BICD1: variants seen among roughly 807,000 people sequenced by gnomAD.
BICD1 encodes BICD cargo adaptor 1.
BICD1 carries 35 observed loss-of-function variants against 92.5 expected under a neutral mutation model. The ratio of observed to expected loss-of-function variants is 0.38; its 90% CI spans 0.29 to 0.50. The LOEUF (loss-of-function observed/expected upper bound fraction) is 0.50. BICD1 is among the 20% of genes least tolerant of loss of function. The probability of loss-of-function intolerance (pLI) is 0.93; values close to 1 mark genes in which losing one functional copy is unlikely to be tolerated. For synonymous variants in BICD1, 429 were observed against 465.1 expected (o/e 0.92, Z 1.00); for missense variants, 950 against 1,189.8 (o/e 0.80, Z 2.97).
intron 1 of BICD1, among the ~76,000 whole-genome samples, chr12:32,197,418 C>T (rs552982415): frequency 6.6e-6 from 1 of 152,128 alleles, no homozygotes; most frequent in South Asian, 2.1e-4. Context: ...AATATTTGGG[C>T]CTGTGGAAGA....
intron 1 of BICD1, among the ~76,000 whole-genome samples, chr12:32,116,510 C>CTATATATATATATATATATA (rs370907481): frequency 3.8e-5 from 4 of 104,366 alleles, no homozygotes; most frequent in Admixed American, 1.1e-4. Flanking sequence ...CTCTCTCTCT[C>CTATATATATATATATATATA]TATATATATA....
Position 32,205,615 on chromosome 12 carries a change from T to C in BICD1, c.214-10632T>C, listed in dbSNP as rs1223138311. On this transcript the variant is annotated intron_variant, in intron 1 of 9. Coordinates refer to ENST00000652176, the MANE Select transcript of BICD1 (RefSeq NM_001714.4). ...TTTATAATGGAAAAATTGAGGCTTG[T>C]ACTTTGTGCTTTTTTCTCATATTTT... Among the ~76,000 whole-genome samples, 3 of 151,102 alleles carry C rather than the reference T, an allele frequency of 2.0e-5. No individual in the cohort carries two copies. The East Asian group carries it at 5.8e-4, about 29-fold the overall frequency.
Position 32,327,530 on chromosome 12 carries a change from G to C in BICD1, c.1075G>C (p.Gly359Arg). Residue 359 changes from glycine to arginine, a missense_variant, in exon 5 of 10, where the codon GGG (glycine) becomes CGG (arginine). Around this residue, in one of 5 missense-constraint regions of BICD1, gnomAD observed 246 missense variants for 258.4 expected, o/e 0.95. Transcript: ENST00000652176. The stretch of plus-strand genomic sequence containing the variant: ...ACAGACACAGCTGGAACACACCAAG[G>C]GGGCACTGACGGAGCAGCATGAGCG... ...ESQTQLEHTK[G>R]ALTEQHERVH... 1.9e-6 allele frequency: 3 copies of C among 1,614,144 alleles called. No homozygotes were observed. Among genetic ancestry groups the C allele is most frequent in the Non-Finnish European group, 1.7e-6 (2 of 1,180,016 alleles).
In BICD1 at chr12:32,337,869, C is replaced by T. The variant is rs749006778; in HGVS notation, c.2570+53C>T. 1.9e-6 allele frequency: 3 copies of T among 1,567,010 alleles called. No homozygotes were observed. The highest frequency in any genetic ancestry group is 2.7e-5 in the African/African-American group (2 of 73,906). ...GGTGCAGTGGCCAGATTTTAGTTAA[C>T]TGCAAAAATAAATGTGCTCTTGTTG... On this transcript the variant is annotated intron_variant, in intron 7 of 9. Transcript: ENST00000652176. The surrounding 1 kb of genome is among the most constrained non-coding windows in gnomAD (Gnocchi z 4.7).
intron 2 of BICD1, among the ~76,000 whole-genome samples, chr12:32,222,677 A>G (rs1202356900): frequency 6.6e-6 from 1 of 152,208 alleles, no homozygotes; most frequent in African/African-American, 2.4e-5. Context: ...AAATTCATGC[A>G]CTGAAACTTA....
At chr12:32,257,697 C>G (rs1356257484) in intron 2 of BICD1, among the ~76,000 whole-genome samples, 1 of 152,076 alleles carries the variant, frequency 6.6e-6, no homozygotes, top group African/African-American at 2.4e-5. Flanking sequence ...AAACTCACAG[C>G]AGCACTGTTT....
intron 1 of BICD1, among the ~76,000 whole-genome samples, chr12:32,212,705 G>A (rs1234668663): frequency 6.6e-6 from 1 of 152,166 alleles, no homozygotes; most frequent in Non-Finnish European, 1.5e-5. Context: ...TTACAGGCGT[G>A]AGCCACCGTG....
At chr12:32,345,515 T>C (rs1938533860) in intron 8 of BICD1, among the ~76,000 whole-genome samples, 1 of 152,130 alleles carries the variant, frequency 6.6e-6, no homozygotes, top group African/African-American at 2.4e-5. Context: ...TATATACATA[T>C]ATAAAAACAT....
chr12:32,321,427 T>TA (rs1472383394), intron 4 of BICD1, among the ~76,000 whole-genome samples: 2 of 152,164 alleles, frequency 1.3e-5, no homozygotes, highest in African/African-American at 4.8e-5. Context: ...GTTGTATACT[T>TA]ACACTAAACA....
chr12:32,256,394 A>G (rs1946720965), intron 2 of BICD1, among the ~76,000 whole-genome samples: 1 of 152,132 alleles, frequency 6.6e-6, no homozygotes, highest in Non-Finnish European at 1.5e-5. Flanking sequence ...CCATCCTCTG[A>G]TATACATATG....
intron 2 of BICD1, among the ~76,000 whole-genome samples, chr12:32,247,967 CA>C (rs1946433113): frequency 6.6e-6 from 1 of 151,772 alleles, no homozygotes; most frequent in Non-Finnish European, 1.5e-5. Flanking sequence ...CCTGTAATCC[CA>C]ACTATTCGGG....
At chr12:32,326,345 T>C (rs1319773911) in intron 4 of BICD1, among the ~76,000 whole-genome samples, 2 of 152,098 alleles carry the variant, frequency 1.3e-5, no homozygotes, top group East Asian at 1.9e-4. Flanking sequence ...TATTCACCCA[T>C]ATGGAAGGAG....
At chr12:32,364,292 C>T (rs953378963) in intron 8 of BICD1, among the ~76,000 whole-genome samples, 3 of 152,142 alleles carry the variant, frequency 2.0e-5, no homozygotes, top group South Asian at 2.1e-4. Flanking sequence ...CCCAAAGCAA[C>T]GAGATGTGGT....
chr12:32,375,853 C>CAT (rs1297494786), intron 9 of BICD1, among the ~76,000 whole-genome samples: 1 of 152,114 alleles, frequency 6.6e-6, no homozygotes, highest in African/African-American at 2.4e-5. Context: ...GACTCCATTA[C>CAT]ATTTTAAACT....
intron 2 of BICD1, among the ~76,000 whole-genome samples, chr12:32,249,573 C>T (rs900217851): frequency 1.8e-4 from 27 of 151,994 alleles, no homozygotes; most frequent in African/African-American, 6.5e-4. Context: ...TCCCAGGTGT[C>T]CTGAAACCAT....
rs1940128375 is a variant in BICD1, at chr12:32,380,068, T to C, written c.*2441T>C. 1.3e-5 allele frequency: 2 copies of C among 152,240 alleles called. No individual in the cohort carries two copies. Among genetic ancestry groups the C allele is most frequent in the Non-Finnish European group, 2.9e-5 (2 of 68,042 alleles). The allele number at this position is 152,240 out of a possible 1,614,324, so 9.4% of individuals were successfully genotyped here. On this transcript the variant is annotated 3_prime_UTR_variant, in exon 10 of 10. Transcript: ENST00000652176. ...AAGTCTTTTTCTGAAATACTAATTC[T>C]ATGAAAATAATAATTTTAGTGAATC...
chr12:32,154,709 A>G (rs1943390239), intron 1 of BICD1, among the ~76,000 whole-genome samples: 1 of 152,260 alleles, frequency 6.6e-6, no homozygotes, highest in East Asian at 1.9e-4. Context: ...TTATAACCCA[A>G]TACTTGACTA....
chr12:32,200,498 G>A (rs569343084), intron 1 of BICD1, among the ~76,000 whole-genome samples: 1 of 152,142 alleles, frequency 6.6e-6, no homozygotes, highest in Non-Finnish European at 1.5e-5. Context: ...CAAGCTCATC[G>A]TTTCTGGTGT....
chr12:32,238,954 A>G (rs1946154407), intron 2 of BICD1, among the ~76,000 whole-genome samples: 2 of 150,384 alleles, frequency 1.3e-5, no homozygotes, highest in Admixed American at 6.6e-5. Flanking sequence ...CAAAAAAAAA[A>G]AAAAAAAAAA....
Sources: gnomAD v4.1 joint callset for allele counts (sites outside exome capture counted in the v4.1 genomes callset) on GRCh38, gnomAD v4.1.1 for gene constraint, gnomAD v4.1.1 regional missense constraint, Gnocchi (gnomAD v3.1) non-coding constraint, MANE v1.5 for transcripts, NCBI Gene and HGNC (gene_info 2026-07-23, HGNC 2026-07-21) for gene names.